Variants in SCFD2 observed in about 807,000 individuals in gnomAD.
SCFD2 encodes the protein sec1 family domain-containing protein 2.
SCFD2 carries 54 observed loss-of-function variants against 58.9 expected under a neutral mutation model. The observed-to-expected ratio is 0.92, with a 90% confidence interval of 0.74 to 1.15. SCFD2 has a LOEUF of 1.15. Ranked by LOEUF, SCFD2 falls within the 50% of genes most tolerant of loss-of-function variation. SCFD2 has a pLI of 0.00. For missense variants in SCFD2, 805 were observed against 836.6 expected (o/e 0.96, Z 0.47); for synonymous variants, 321 against 335.9 (o/e 0.96, Z 0.49).
In SCFD2 at chr4:52,877,173, G is replaced by T. The variant is rs1182365709; in HGVS notation, c.1963-3112C>A. On this transcript the variant is annotated intron_variant, in intron 8 of 8. Transcript: ENST00000401642. ...TGGGCTTCCAGCCATGGTTGACAGA[G>T]ACCATGGATTTGGCTACCGCCACTG... Among the ~76,000 whole-genome samples, 3 of 152,222 alleles carry T rather than the reference G, an allele frequency of 2.0e-5. No individual in the cohort carries two copies. In the South Asian group the frequency reaches 6.2e-4, roughly 31 times the overall value.
At chr4:53,303,270 A>C (rs976757843) in intron 3 of SCFD2, among the ~76,000 whole-genome samples, 6 of 151,916 alleles carry the variant, frequency 3.9e-5, no homozygotes, top group Non-Finnish European at 8.8e-5. Context: ...AAACAAACAA[A>C]CCCATCGAAA....
intron 4 of SCFD2, among the ~76,000 whole-genome samples, chr4:53,173,342 T>G: frequency 6.6e-6 from 1 of 152,166 alleles, no homozygotes; most frequent in East Asian, 1.9e-4. Flanking sequence ...TTTTGCACCC[T>G]GATAAAGTCA....
At chr4:53,006,298 C>G (rs1302664689) in intron 5 of SCFD2, among the ~76,000 whole-genome samples, 1 of 152,216 alleles carries the variant, frequency 6.6e-6, no homozygotes, top group African/African-American at 2.4e-5. Flanking sequence ...TTTCACCTTG[C>G]TCCACCTAAA....
At chr4:53,309,478 G>A (rs1453622721) in intron 3 of SCFD2, among the ~76,000 whole-genome samples, 1 of 152,156 alleles carries the variant, frequency 6.6e-6, no homozygotes, top group Admixed American at 6.5e-5. Flanking sequence ...CCATAAAAGT[G>A]TGACCACAGA....
rs868404961 is a variant in SCFD2 at position 53,137,068 on chromosome 4, T to C, written c.1561+8265A>G. Among the ~76,000 whole-genome samples the C allele has an allele frequency of 3.9e-5, 6 of 152,246 alleles. No homozygotes were observed. The East Asian group carries it at 5.8e-4, about 15-fold the overall frequency. ...TAGCAAATACAAGTTTCCTACCTAA[T>C]GTACATTTTCACTTTCTATCTTCTA... On this transcript the variant is annotated intron_variant, in intron 5 of 8. Transcript: ENST00000401642.
chr4:53,199,320 C>A (rs537051608), intron 4 of SCFD2, among the ~76,000 whole-genome samples: 5 of 152,216 alleles, frequency 3.3e-5, no homozygotes, highest in African/African-American at 1.2e-4. Flanking sequence ...TCTTGCTTCT[C>A]TCCCTTCTTT....
intron 3 of SCFD2, among the ~76,000 whole-genome samples, chr4:53,299,971 C>T (rs2149096645): frequency 6.6e-6 from 1 of 152,302 alleles, no homozygotes; most frequent in Non-Finnish European, 1.5e-5. Context: ...AAAGGAACAA[C>T]TGGTACCAGC....
chr4:52,882,940 A>G (rs1327578880), intron 8 of SCFD2, among the ~76,000 whole-genome samples: 1 of 152,240 alleles, frequency 6.6e-6, no homozygotes, highest in East Asian at 1.9e-4. Flanking sequence ...GCTGGATAGT[A>G]AAGCCAGAAT....
chr4:52,903,054 T>TGACC (rs1719257074), intron 7 of SCFD2, among the ~76,000 whole-genome samples: 1 of 152,250 alleles, frequency 6.6e-6, no homozygotes, highest in Non-Finnish European at 1.5e-5. Context: ...TCCTCCTATG[T>TGACC]GACCACTCTG....
chr4:53,064,006 T>C (rs2148843126), intron 5 of SCFD2, among the ~76,000 whole-genome samples: 1 of 152,228 alleles, frequency 6.6e-6, no homozygotes, highest in East Asian at 1.9e-4. Context: ...CTTCTTTCTT[T>C]CCTTCCTTTT....
chr4:53,209,282 A>C (rs933234513), intron 4 of SCFD2, among the ~76,000 whole-genome samples: 2 of 152,130 alleles, frequency 1.3e-5, no homozygotes, highest in African/African-American at 4.8e-5. Context: ...AGCTAAATAC[A>C]ATGATACACT....
intron 1 of SCFD2, among the ~76,000 whole-genome samples, chr4:53,354,226 C>T (rs1213463930): frequency 6.6e-6 from 1 of 152,204 alleles, no homozygotes; most frequent in Non-Finnish European, 1.5e-5. Flanking sequence ...CCAAGCCCTG[C>T]CCCGCGGGGA....
Position 52,901,502 on chromosome 4 carries a change from G to A in SCFD2, c.1842+5955C>T, listed in dbSNP as rs1719198595. Among the ~76,000 whole-genome samples the A allele has an allele frequency of 3.3e-5, 5 of 152,180 alleles. No homozygotes were observed. The South Asian group carries it at 1.0e-3, about 32-fold the overall frequency. On this transcript the variant is annotated intron_variant, in intron 7 of 8. Coordinates refer to ENST00000401642, the MANE Select transcript of SCFD2 (RefSeq NM_152540.4). ...AATGCAGCTGCCATATTGCAAGAAA[G>A]CTTGGCCACATGAGAATGGCCACAT...
intron 5 of SCFD2, among the ~76,000 whole-genome samples, chr4:52,986,746 G>T (rs934576410): frequency 6.6e-6 from 1 of 151,880 alleles, no homozygotes; most frequent in African/African-American, 2.4e-5. Flanking sequence ...TGATCCACCC[G>T]CCTCGGCCTC....
At chr4:52,948,453 G>C in intron 5 of SCFD2, 1 of 453,688 alleles carries the variant, frequency 2.2e-6, no homozygotes, top group South Asian at 1.6e-5. Context: ...CTCAGTTTCT[G>C]CTTCTGTAAA....
intron 5 of SCFD2, among the ~76,000 whole-genome samples, chr4:53,124,476 A>G (rs956164064): frequency 2.6e-5 from 4 of 152,214 alleles, no homozygotes; most frequent in African/African-American, 9.6e-5. Flanking sequence ...AAAGAAAAAT[A>G]GGAGACTCAA....
chr4:53,073,449 A>G (rs1032303925), intron 5 of SCFD2, among the ~76,000 whole-genome samples: 2 of 152,166 alleles, frequency 1.3e-5, no homozygotes, highest in Non-Finnish European at 2.9e-5. Flanking sequence ...TCGAGTCCCT[A>G]TAATTTACCT....
At chr4:53,295,750 T>A (rs1732006352) in intron 3 of SCFD2, among the ~76,000 whole-genome samples, 1 of 151,922 alleles carries the variant, frequency 6.6e-6, no homozygotes, top group African/African-American at 2.4e-5. Context: ...TTTTGCCCAT[T>A]CATTATGATA....
chr4:53,028,439 C>T (rs1030121411), intron 5 of SCFD2, among the ~76,000 whole-genome samples: 4 of 152,220 alleles, frequency 2.6e-5, no homozygotes, highest in Non-Finnish European at 4.4e-5. Context: ...CTTTGTGAAT[C>T]ATACTATAGT....
Sources: gnomAD v4.1 joint callset for allele counts (sites outside exome capture counted in the v4.1 genomes callset) on GRCh38, gnomAD v4.1.1 for gene constraint, MANE v1.5 for transcripts, NCBI Gene and HGNC (gene_info 2026-07-23, HGNC 2026-07-21) for gene names.